The following CGN variants were observed in gnomAD, a reference collection of about 807,000 sequenced individuals.
CGN encodes the protein cingulin.
CGN carries 121 observed loss-of-function variants against 157.1 expected under a neutral mutation model. That is an observed-to-expected ratio of 0.77 (90% CI 0.66 to 0.90). The LOEUF is 0.90. CGN is among the 40% of genes least tolerant of loss of function. CGN has a pLI of 0.00. For synonymous variants in CGN, 535 were observed against 607.5 expected, an observed-to-expected ratio of 0.88 and a Z score of 1.76; for missense variants, 1,424 against 1,520.9, an observed-to-expected ratio of 0.94 and a Z score of 1.06.
At chr1:151,523,594 T>C (rs1664594325) in intron 6 of CGN, 33 bp downstream of exon 6, 1 of 1,566,350 alleles carries the variant, frequency 6.4e-7, no homozygotes. Context: ...CTCGGGCTGC[T>C]TGGGGGCCTA....
In CGN at chr1:151,527,908, A is replaced by G. The variant is rs926627375; in HGVS notation, c.1896+801A>G. 7.8e-5 allele frequency: 23 copies of G among 295,776 alleles called. No individual in the cohort carries two copies. In the Admixed American group the frequency reaches 9.0e-4, roughly 12 times the overall value. The allele number at this position is 295,776 out of a possible 1,614,324, so 18.3% of individuals were successfully genotyped here. A position where few individuals can be genotyped will look rare whatever the true frequency, so the allele number is the denominator to read the frequency against. ...CAAAGTCTCTCCAGGTTGCTCTTGC[A>G]TGCAGTTGGAGATCCCATGGCCACA... On this transcript the variant is annotated intron_variant, in intron 10 of 20. Transcript: ENST00000271636.
chr1:151,531,124 G>C (rs149525972), intron 13 of CGN, among the ~76,000 whole-genome samples: 7,987 of 151,472 alleles, frequency 0.053, 367 homozygotes, highest in East Asian at 0.22. Flanking sequence ...CTGGGTGACA[G>C]AGCAAGACTC....
At chr1:151,535,336 G>A (rs1468808543) in intron 16 of CGN, among the ~76,000 whole-genome samples, 3 of 152,170 alleles carry the variant, frequency 2.0e-5, no homozygotes, top group Admixed American at 6.5e-5. Context: ...TGGAGGAAGG[G>A]ATCCTGGTGG....
chr1:151,527,497 T>C (rs943945108), intron 10 of CGN, among the ~76,000 whole-genome samples: 1 of 152,184 alleles, frequency 6.6e-6, no homozygotes, highest in African/African-American at 2.4e-5. Flanking sequence ...TATGAAAAAA[T>C]GTTTACCATT....
chr1:151,524,148 A>G lies in CGN; in HGVS notation c.1269-78A>G, dbSNP rs1664613314. ...GAAGGAAGGAAGTTTAAATGCATTA[A>G]TAAATATGAATTAAAATATATGATG... On this transcript the variant is annotated intron_variant, in intron 6 of 20. Transcript: ENST00000271636. The surrounding 1 kb of genome is among the most constrained non-coding windows in gnomAD (Gnocchi z 4.4). The G allele has an allele frequency of 1.5e-6, 2 of 1,326,030 alleles. No individual in the cohort carries two copies. Among genetic ancestry groups the G allele is most frequent in the Non-Finnish European group, 2.1e-6 (2 of 965,100 alleles). The allele number at this position is 1,326,030 out of a possible 1,614,324, so 82.1% of individuals were successfully genotyped here. A position where few individuals can be genotyped will look rare whatever the true frequency, so the allele number is the denominator to read the frequency against.
In CGN at chr1:151,519,206, C is replaced by T. The variant is rs767708972; in HGVS notation, c.687C>T (p.Arg229=). Residue 229 remains arginine (R), a synonymous_variant, in exon 2 of 21, where the codon CGC becomes CGT. Coordinates refer to ENST00000271636, the MANE Select transcript of CGN (RefSeq NM_020770.3). The stretch of plus-strand genomic sequence containing the variant: ...GGGACACCTTTGAGGAACGGGAGCG[C>T]CAGTCCACCAACCACTGGACCTCTA... ...LPRDTFEERE[R]QSTNHWTSST... is the part of the protein sequence containing the mutation. 1.9e-6 allele frequency: 3 copies of T among 1,614,076 alleles called. No individual in the cohort carries two copies. Among genetic ancestry groups the T allele is most frequent in the Non-Finnish European group, 2.5e-6 (3 of 1,180,030 alleles).
chr1:151,529,536 C>A lies in CGN; in HGVS notation c.2083C>A (p.Gln695Lys), dbSNP rs534471408. Residue 695 changes from glutamine to lysine, a missense_variant, in exon 11 of 21, where the codon CAG becomes AAG. This residue lies in a region of CGN where 1,187 missense variants were observed against 1,217.6 expected (regional missense o/e 0.97). Coordinates refer to ENST00000271636, the MANE Select transcript of CGN (RefSeq NM_020770.3). ...QLQKTLQQLR[Q>K]DCEEASKAKM... The stretch of plus-strand genomic sequence containing the variant: ...ACAAAAGACCCTCCAGCAACTGCGA[C>A]AGGACTGTGAAGAGGCTTCCAAGGC... The A allele has an allele frequency of 2.5e-6, 4 of 1,613,812 alleles. No individual in the cohort carries two copies. The highest frequency in any genetic ancestry group is 2.5e-6 in the Non-Finnish European group (3 of 1,179,924).
intron 14 of CGN, 59 bp downstream of exon 14, chr1:151,532,631 T>A: frequency 7.9e-7 from 1 of 1,263,602 alleles, no homozygotes; most frequent in African/African-American, 1.6e-5. Context: ...TTTTTTTTTT[T>A]TTGTCCGAGA....
chr1:151,537,394 C>A lies in CGN; in HGVS notation c.*48C>A, dbSNP rs777593928. ...AAACCAGGCTCGAGGCCTATCCCAG[C>A]AAGTGCTGCTCTGCTCTGCCCACCC... On this transcript the variant is annotated 3_prime_UTR_variant, in exon 21 of 21. Transcript: ENST00000271636. 1 of 1,576,310 alleles carries A rather than the reference C, an allele frequency of 6.3e-7. No individual in the cohort carries two copies. Among genetic ancestry groups the A allele is most frequent in the East Asian group, 2.2e-5 (1 of 44,590 alleles).
At position 151,537,506 on chromosome 1, in the gene CGN, T is replaced by G. The variant is rs986571767; in HGVS notation, c.*160T>G. On this transcript the variant is annotated 3_prime_UTR_variant, in exon 21 of 21. Transcript: ENST00000271636. ...TGATGGTGATAAAAAAAAAAAATCATCAGCAATAAGCTGATAGATGGACTT... is the reference window on the plus strand; with the variant it reads ...TGATGGTGATAAAAAAAAAAAATCAGCAGCAATAAGCTGATAGATGGACTT... 1.9e-4 allele frequency: 104 copies of G among 554,116 alleles called. No individual in the cohort carries two copies. Among genetic ancestry groups the G allele is most frequent in the African/African-American group, 1.0e-3 (54 of 52,706 alleles). 34.3% of individuals were successfully genotyped at this position (554,116 alleles called of 1,614,324 possible). A position where few individuals can be genotyped will look rare whatever the true frequency, so the allele number is the denominator to read the frequency against.
At chr1:151,529,846 A>AGCCCTGGGGTCTGAGCTGCCAC (rs945419138) in intron 11 of CGN, 63 bp from the exon 12 acceptor site, 5 of 1,486,248 alleles carry the variant, frequency 3.4e-6, no homozygotes, top group African/African-American at 2.8e-5. Flanking sequence ...AATGGCCCCA[A>AGCCCTGGGGTCTGAGCTGCCAC]GCCCTGGGGT....
At chr1:151,535,963 C>A in intron 18 of CGN, 65 bp downstream of exon 18, 1 of 1,300,764 alleles carries the variant, frequency 7.7e-7, no homozygotes, top group Non-Finnish European at 1.1e-6. Context: ...CTTGGCTTTT[C>A]TCCTCTGTGG....
At chr1:151,522,025 C>T (rs1347276757) in intron 5 of CGN, among the ~76,000 whole-genome samples, 1 of 152,058 alleles carries the variant, frequency 6.6e-6, no homozygotes, top group African/African-American at 2.4e-5. Flanking sequence ...CGCCTATAAT[C>T]CCAGCACTTT....
chr1:151,527,806 T>TAAAC (rs1483680385), intron 10 of CGN: 2 of 57,968 alleles, frequency 3.5e-5, no homozygotes, highest in Non-Finnish European at 7.4e-5. Context: ...ATTTTGGTTT[T>TAAAC]ATACACACAC....
intron 2 of CGN, 25 bp from the exon 3 acceptor site, chr1:151,520,126 CTTTCTTTCTTTTTTT>C: frequency 1.3e-6 from 2 of 1,507,722 alleles, no homozygotes; most frequent in Non-Finnish European, 1.8e-6. Flanking sequence ...CTATTTCTTT[CTTTCTTTCTTTTTTT>C]TTTCTTTTTC....
rs1187577078 is a variant in CGN, at chr1:151,538,362, G to T, written c.*1016G>T. 1 of 152,186 alleles carries T rather than the reference G, an allele frequency of 6.6e-6. No homozygotes were observed. The highest frequency in any genetic ancestry group is 1.5e-5 in the Non-Finnish European group (1 of 68,036). The allele number at this position is 152,186 out of a possible 1,614,324, so 9.4% of individuals were successfully genotyped here. A position where few individuals can be genotyped will look rare whatever the true frequency, so the allele number is the denominator to read the frequency against. On this transcript the variant is annotated 3_prime_UTR_variant, in exon 21 of 21. Coordinates refer to ENST00000271636, the MANE Select transcript of CGN (RefSeq NM_020770.3). ...AACCAAGGGACCCTCATTTTCTGAG[G>T]TGCTTGGCTCTGATTCAGGGCTTTG...
In CGN at chr1:151,520,268, T is replaced by A. The variant is rs1402345787; in HGVS notation, c.974+2T>A. On this transcript the variant is annotated splice_donor_variant, in intron 3 of 20. Coordinates refer to ENST00000271636, the MANE Select transcript of CGN (RefSeq NM_020770.3). LOFTEE classifies it high-confidence loss of function. ...CATCTATGGCATCCTGAGGGAGGGG[T>A]GAGTGGGGGCCCCCCCAACAACAGA... is the stretch of plus-strand genomic sequence containing the variant. The A allele has an allele frequency of 6.2e-7, 1 of 1,611,456 alleles. No individual in the cohort carries two copies. The highest frequency in any genetic ancestry group is 1.3e-5 in the African/African-American group (1 of 74,792).
Position 151,536,807 on chromosome 1 carries a change from G to A in CGN, c.3384G>A (p.Arg1128=), listed in dbSNP as rs781478229. Residue 1128 remains arginine, a synonymous_variant, in exon 20 of 21, where the codon AGG becomes AGA. Coordinates refer to ENST00000271636, the MANE Select transcript of CGN (RefSeq NM_020770.3). ...EEEIERLDGL[R]KKAQREVEEQ... ...AAATTGAGCGACTGGACGGCCTGAGGAAGAAGGCCCAGCGTGAGGTGGAGG... is the reference window on the plus strand; with the variant it reads ...AAATTGAGCGACTGGACGGCCTGAGAAAGAAGGCCCAGCGTGAGGTGGAGG... 7.4e-6 allele frequency: 12 copies of A among 1,614,030 alleles called. No individual in the cohort carries two copies. The highest frequency in any genetic ancestry group is 9.3e-6 in the Non-Finnish European group (11 of 1,180,034).
chr1:151,519,163 T>C lies in CGN; in HGVS notation c.644T>C (p.Leu215Pro). The change falls in exon 2 of 21, where the codon CTG becomes CCG. Residue 215 changes from leucine to proline, a missense_variant. This residue lies in a region of CGN where 1,187 missense variants were observed against 1,217.6 expected (regional missense o/e 0.97). Transcript: ENST00000271636. ...GAACAGCGCAAACGGAGCAAGAGCC[T>C]GGACAGCCGCCTCCCACGGGACACC... ...PPEQRKRSKS[L>P]DSRLPRDTFE... 6.2e-7 allele frequency: 1 copy of C among 1,614,018 alleles called. No individual in the cohort carries two copies. The highest frequency in any genetic ancestry group is 8.5e-7 in the Non-Finnish European group (1 of 1,180,036).
Sources: gnomAD v4.1 joint callset for allele counts (sites outside exome capture counted in the v4.1 genomes callset) on GRCh38, gnomAD v4.1.1 for gene constraint, gnomAD v4.1.1 regional missense constraint, Gnocchi (gnomAD v3.1) non-coding constraint, MANE v1.5 for transcripts, NCBI Gene and HGNC (gene_info 2026-07-23, HGNC 2026-07-21) for gene names.